Variants in CNTNAP2 observed in about 807,000 individuals in gnomAD.
CNTNAP2 encodes the protein contactin associated protein 2, also known as contactin-associated protein-like 2.
CNTNAP2 carries 98 observed loss-of-function variants against 155.2 expected under a neutral mutation model. The observed-to-expected ratio is 0.63, with a 90% CI of 0.54 to 0.75. CNTNAP2 has a LOEUF of 0.75. Among genes scored for constraint, CNTNAP2 ranks in the 30% least tolerant of loss-of-function variants. The pLI is 0.00. For synonymous variants in CNTNAP2, 651 were observed against 631.2 expected, an observed-to-expected ratio of 1.03 and a Z score of -0.47; for missense variants, 1,727 against 1,688.1, an observed-to-expected ratio of 1.02 and a Z score of -0.40.
At chr7:147,826,375 T>C (rs1164938272) in intron 13 of CNTNAP2, among the ~76,000 whole-genome samples, 1 of 152,240 alleles carries the variant, frequency 6.6e-6, no homozygotes, top group African/African-American at 2.4e-5. Context: ...ATTCTGATTC[T>C]ATAATTGGAA....
intron 18 of CNTNAP2, among the ~76,000 whole-genome samples, chr7:148,177,184 A>G (rs1369738143): frequency 6.6e-6 from 1 of 152,206 alleles, no homozygotes; most frequent in Non-Finnish European, 1.5e-5. Context: ...ATGTCCACCT[A>G]GGACTTCAGA....
At chr7:146,856,289 G>GATACATACATACATAC (rs1360164526) in intron 3 of CNTNAP2, among the ~76,000 whole-genome samples, 1 of 64,406 alleles carries the variant, frequency 1.6e-5, no homozygotes, top group African/African-American at 8.9e-5. Flanking sequence ...TAGATAGATA[G>GATACATACATACATAC]ATAGATAGAT....
chr7:146,649,036 C>A (rs1799862604), intron 1 of CNTNAP2, among the ~76,000 whole-genome samples: 1 of 151,902 alleles, frequency 6.6e-6, no homozygotes, highest in South Asian at 2.1e-4. Context: ...CTAGGATAAA[C>A]CAAAAAGTAA....
At chr7:148,353,369 T>TC (rs971781421) in intron 21 of CNTNAP2, among the ~76,000 whole-genome samples, 2 of 152,110 alleles carry the variant, frequency 1.3e-5, no homozygotes, top group Admixed American at 1.3e-4. Flanking sequence ...AATGATTCAT[T>TC]CCCCCCAAAA....
At chr7:146,523,029 G>A (rs921991009) in intron 1 of CNTNAP2, among the ~76,000 whole-genome samples, 5 of 151,662 alleles carry the variant, frequency 3.3e-5, no homozygotes, top group African/African-American at 1.2e-4. Context: ...TTGGGGTACC[G>A]GTAGTATTTG....
intron 21 of CNTNAP2, among the ~76,000 whole-genome samples, chr7:148,338,811 T>A (rs2116576487): frequency 6.6e-6 from 1 of 150,854 alleles, no homozygotes; most frequent in Non-Finnish European, 1.5e-5. Flanking sequence ...GAGGAGGGAG[T>A]GAGAGAAGAA....
At chr7:147,723,560 T>C (rs909599678) in intron 13 of CNTNAP2, among the ~76,000 whole-genome samples, 51 of 151,868 alleles carry the variant, frequency 3.4e-4, no homozygotes, top group African/African-American at 1.2e-3. Flanking sequence ...CCTGTAATGA[T>C]AGACTTTGTC....
At chr7:146,481,482 A>G (rs1796959706) in intron 1 of CNTNAP2, among the ~76,000 whole-genome samples, 1 of 152,188 alleles carries the variant, frequency 6.6e-6, no homozygotes, top group African/African-American at 2.4e-5. Context: ...TTTTGTGACA[A>G]TTGAACTCAA....
intron 15 of CNTNAP2, among the ~76,000 whole-genome samples, chr7:148,032,891 G>C (rs536207107): frequency 5.3e-5 from 8 of 152,212 alleles, no homozygotes; most frequent in African/African-American, 1.9e-4. Flanking sequence ...TCAAAAATTT[G>C]ACCCTTGAAT....
chr7:146,998,864 T>A (rs1798361432), intron 3 of CNTNAP2, among the ~76,000 whole-genome samples: 1 of 152,016 alleles, frequency 6.6e-6, no homozygotes, highest in Admixed American at 6.6e-5. Context: ...TTCCATTCCC[T>A]CATTTTTAGT....
intron 1 of CNTNAP2, among the ~76,000 whole-genome samples, chr7:146,491,012 T>A (rs1797130605): frequency 6.6e-6 from 1 of 152,144 alleles, no homozygotes; most frequent in African/African-American, 2.4e-5. Context: ...GCTTTTTATT[T>A]CTCTCAATCT....
intron 1 of CNTNAP2, among the ~76,000 whole-genome samples, chr7:146,714,136 G>T (rs73740810): frequency 6.6e-6 from 1 of 152,010 alleles, no homozygotes; most frequent in South Asian, 2.1e-4. Flanking sequence ...CCACATGAAA[G>T]CCTTCCGTGA....
chr7:146,688,474 T>C (rs913725883), intron 1 of CNTNAP2, among the ~76,000 whole-genome samples: 1 of 151,944 alleles, frequency 6.6e-6, no homozygotes, highest in Middle Eastern at 3.4e-3. Context: ...TTTATAGAAT[T>C]TGGGTAGGTA....
chr7:146,308,106 A>T (rs914476977), intron 1 of CNTNAP2, among the ~76,000 whole-genome samples: 9 of 152,216 alleles, frequency 5.9e-5, no homozygotes, highest in Admixed American at 4.6e-4. Flanking sequence ...TCCAGAATCT[A>T]CAAAGAACTT....
chr7:146,805,893 A>C (rs1802958276), intron 2 of CNTNAP2, among the ~76,000 whole-genome samples: 1 of 152,226 alleles, frequency 6.6e-6, no homozygotes, highest in Non-Finnish European at 1.5e-5. Flanking sequence ...ACCAGAAGTC[A>C]ATTTTTTTTA....
At chr7:147,385,613 G>A (rs6464795) in intron 9 of CNTNAP2, among the ~76,000 whole-genome samples, 97,568 of 152,198 alleles carry the variant, frequency 0.64, 32,345 homozygotes, top group African/African-American at 0.82. Context: ...TCATATCCAG[G>A]TCATGCAGAT....
intron 16 of CNTNAP2, among the ~76,000 whole-genome samples, chr7:148,142,223 T>C (rs1022174823): frequency 6.6e-6 from 1 of 151,748 alleles, no homozygotes; most frequent in Non-Finnish European, 1.5e-5. Context: ...CGTGTATAGG[T>C]GCAGCAGTTG....
rs376123079 is a variant in CNTNAP2 at position 147,569,219 on chromosome 7, C to T, written c.1897+6962C>T. ...AGAGCTTGTAACGGAAGTTTCTAAG[C>T]GCTTGCACTCAGTATTAGTATCGTA... is the stretch of plus-strand genomic sequence containing the variant. On this transcript the variant is annotated intron_variant, in intron 12 of 23. Transcript: ENST00000361727. Among the ~76,000 whole-genome samples the T allele has an allele frequency of 5.3e-5, 8 of 152,238 alleles. No individual in the cohort carries two copies. The East Asian group carries it at 1.4e-3, about 26-fold the overall frequency.
At chr7:148,118,427 A>G in intron 16 of CNTNAP2, 139 bp downstream of exon 16, 3 of 950,954 alleles carry the variant, frequency 3.2e-6, no homozygotes, top group South Asian at 1.4e-5. Context: ...AGGTGGACAC[A>G]CAAGCCTGAG....
Sources: gnomAD v4.1 joint callset for allele counts (sites outside exome capture counted in the v4.1 genomes callset) on GRCh38, gnomAD v4.1.1 for gene constraint, MANE v1.5 for transcripts, NCBI Gene and HGNC (gene_info 2026-07-23, HGNC 2026-07-21) for gene names.